Variants in PRR16 observed in about 807,000 individuals in gnomAD.
The protein encoded by PRR16 is protein Largen.
A neutral mutation model predicts 18.2 loss-of-function variants in PRR16; 6 were observed. That is an observed-to-expected ratio of 0.33 (90% confidence interval 0.18 to 0.65). The LOEUF (loss-of-function observed/expected upper bound fraction) is 0.65. Ranked by LOEUF, PRR16 falls within the 30% of genes least tolerant of loss-of-function variation. The pLI, the probability that PRR16 is intolerant of heterozygous loss-of-function variation, is 0.74. For synonymous variants in PRR16, 151 were observed against 147.8 expected, an observed-to-expected ratio of 1.02 and a Z score of -0.16; for missense variants, 412 against 376.6, an observed-to-expected ratio of 1.09 and a Z score of -0.78.
intron 1 of PRR16, among the ~76,000 whole-genome samples, chr5:120,592,439 CAGAT>C (rs897790585): frequency 9.2e-5 from 14 of 152,198 alleles, no homozygotes; most frequent in Admixed American, 2.0e-4. Flanking sequence ...TTTGATTTGA[CAGAT>C]AGTGCTTCAA....
At chr5:120,673,404 C>G (rs1014590571) in intron 1 of PRR16, among the ~76,000 whole-genome samples, 1 of 152,074 alleles carries the variant, frequency 6.6e-6, no homozygotes. Flanking sequence ...GTACTTTGGT[C>G]TTATTTTATG....
intron 1 of PRR16, among the ~76,000 whole-genome samples, chr5:120,507,320 T>C (rs1223120854): frequency 3.3e-5 from 5 of 152,140 alleles, no homozygotes; most frequent in Non-Finnish European, 7.4e-5. Flanking sequence ...GAACAACTTA[T>C]TTCCATTTTT....
chr5:120,508,728 G>A (rs1279661314), intron 1 of PRR16, among the ~76,000 whole-genome samples: 1 of 151,950 alleles, frequency 6.6e-6, no homozygotes, highest in Non-Finnish European at 1.5e-5. Context: ...TTTTTACTTT[G>A]AGTGTTTTCC....
the PRR16 span, among the ~76,000 whole-genome samples, chr5:120,697,987 G>A: frequency 2.0e-5 from 3 of 152,148 alleles, no homozygotes; most frequent in Admixed American, 1.3e-4. Flanking sequence ...GCGTATACGT[G>A]CAAGTCACAG....
At chr5:120,514,194 T>G (rs548700377) in intron 1 of PRR16, among the ~76,000 whole-genome samples, 72 of 152,310 alleles carry the variant, frequency 4.7e-4, no homozygotes, top group Admixed American at 8.5e-4. Flanking sequence ...GATTTACTGA[T>G]TCTCTATGCC....
intron 1 of PRR16, among the ~76,000 whole-genome samples, chr5:120,551,329 CT>C (rs1752247247): frequency 6.6e-6 from 1 of 151,924 alleles, no homozygotes; most frequent in Non-Finnish European, 1.5e-5. Flanking sequence ...CATGTTTCTT[CT>C]TTTAAAAGAC....
intron 1 of PRR16, among the ~76,000 whole-genome samples, chr5:120,651,311 G>T (rs908835590): frequency 1.3e-5 from 2 of 152,134 alleles, no homozygotes; most frequent in African/African-American, 4.8e-5. Flanking sequence ...TTCTTTTGCT[G>T]TGCAGAAGCT....
At chr5:120,482,215 T>A (rs1749642114) in intron 1 of PRR16, among the ~76,000 whole-genome samples, 1 of 152,126 alleles carries the variant, frequency 6.6e-6, no homozygotes, top group South Asian at 2.1e-4. Context: ...AGGTTTGGAG[T>A]ACAGTTGATC....
At chr5:120,731,259 T>C in the PRR16 span, among the ~76,000 whole-genome samples, 3 of 152,312 alleles carry the variant, frequency 2.0e-5, no homozygotes, top group Non-Finnish European at 1.5e-5. Flanking sequence ...TATGTAATTC[T>C]GGAATAGAGG....
intron 1 of PRR16, among the ~76,000 whole-genome samples, chr5:120,621,225 A>C (rs1033701035): frequency 1.4e-4 from 22 of 152,096 alleles, no homozygotes; most frequent in African/African-American, 4.8e-4. Flanking sequence ...CAGAGCAGCA[A>C]AAATAAGGGG....
At chr5:120,609,414 A>C (rs1249153638) in intron 1 of PRR16, among the ~76,000 whole-genome samples, 1 of 152,072 alleles carries the variant, frequency 6.6e-6, no homozygotes, top group Non-Finnish European at 1.5e-5. Context: ...TCTAAAAAAA[A>C]AATTTTTAAA....
At chr5:120,487,268 C>G (rs1044030032) in intron 1 of PRR16, among the ~76,000 whole-genome samples, 2 of 152,114 alleles carry the variant, frequency 1.3e-5, no homozygotes, top group African/African-American at 4.8e-5. Flanking sequence ...ATTGATTCTT[C>G]CTACCCATGA....
intron 1 of PRR16, among the ~76,000 whole-genome samples, chr5:120,546,222 T>A (rs1055929930): frequency 6.6e-6 from 1 of 152,142 alleles, no homozygotes; most frequent in African/African-American, 2.4e-5. Context: ...GATAATTACA[T>A]CACCACACTT....
At chr5:120,660,353 A>G (rs961022589) in intron 1 of PRR16, among the ~76,000 whole-genome samples, 2 of 152,076 alleles carry the variant, frequency 1.3e-5, no homozygotes, top group African/African-American at 4.8e-5. Context: ...TAAAGGAAGC[A>G]TGCCACAGTG....
At chr5:120,670,525 T>C (rs973693392) in intron 1 of PRR16, among the ~76,000 whole-genome samples, 3 of 152,164 alleles carry the variant, frequency 2.0e-5, no homozygotes. Context: ...AAGCCTATTC[T>C]ACAAGAATTT....
intron 1 of PRR16, among the ~76,000 whole-genome samples, chr5:120,629,558 T>A (rs1754986785): frequency 6.6e-6 from 1 of 152,128 alleles, no homozygotes; most frequent in African/African-American, 2.4e-5. Flanking sequence ...GAATCATTTG[T>A]TTTATGTTTC....
At chr5:120,727,179 T>C in the PRR16 span, among the ~76,000 whole-genome samples, 1 of 152,086 alleles carries the variant, frequency 6.6e-6, no homozygotes, top group African/African-American at 2.4e-5. Flanking sequence ...CTTTTTTGTG[T>C]CTCAAGTTTT....
intron 1 of PRR16, among the ~76,000 whole-genome samples, chr5:120,513,949 G>C (rs1019180971): frequency 1.3e-5 from 2 of 151,760 alleles, no homozygotes; most frequent in African/African-American, 4.8e-5. Context: ...TAGTAGAGAC[G>C]GAGTTTCACC....
chr5:120,682,939 G>A (rs1757015765), intron 1 of PRR16, among the ~76,000 whole-genome samples: 1 of 152,052 alleles, frequency 6.6e-6, no homozygotes, highest in Non-Finnish European at 1.5e-5. Context: ...TGTTATGTTA[G>A]GCCTTTAGAA....
Sources: allele counts gnomAD v4.1 joint callset (sites outside exome capture counted in the v4.1 genomes callset), GRCh38; gene constraint gnomAD v4.1.1; transcripts MANE v1.5; gene names NCBI Gene and HGNC (gene_info 2026-07-23, HGNC 2026-07-21).